DSCAML1: variants seen among roughly 807,000 people sequenced by gnomAD.
DSCAML1 encodes the protein DS cell adhesion molecule like 1.
DSCAML1 carries 38 observed loss-of-function variants against 200.5 expected under a neutral mutation model. The ratio of observed to expected loss-of-function variants is 0.19; its 90% CI spans 0.15 to 0.25. DSCAML1 has a LOEUF of 0.25. Among genes scored for constraint, DSCAML1 ranks in the 10% least tolerant of loss-of-function variants. The pLI, the probability that DSCAML1 is intolerant of heterozygous loss-of-function variation, is 1.00. For synonymous variants in DSCAML1, 1,215 were observed against 1,165.0 expected (o/e 1.04, Z -0.87); for missense variants, 2,223 against 2,858.8 (o/e 0.78, Z 5.07).
intron 3 of DSCAML1, among the ~76,000 whole-genome samples, chr11:117,661,030 G>A (rs967312315): frequency 6.6e-6 from 1 of 152,170 alleles, no homozygotes; most frequent in African/African-American, 2.4e-5. Flanking sequence ...TCCTAGCTAT[G>A]CAATCTTGAG....
intron 3 of DSCAML1, among the ~76,000 whole-genome samples, chr11:117,558,257 A>G (rs2050594861): frequency 6.6e-6 from 1 of 152,140 alleles, no homozygotes; most frequent in African/African-American, 2.4e-5. Flanking sequence ...AAATTTCACG[A>G]AACGTGAGCA....
intron 1 of DSCAML1, among the ~76,000 whole-genome samples, chr11:117,810,881 C>A (rs2094705059): frequency 1.3e-5 from 2 of 152,154 alleles, no homozygotes; most frequent in Non-Finnish European, 2.9e-5. Context: ...TCTTTCCCTC[C>A]CGCCTGTCCC....
intron 3 of DSCAML1, among the ~76,000 whole-genome samples, chr11:117,532,812 A>G (rs529989696): frequency 6.6e-6 from 1 of 152,062 alleles, no homozygotes; most frequent in South Asian, 2.1e-4. Context: ...GGATACAAAT[A>G]ATTGGGTGGG....
chr11:117,647,924 A>G (rs1019471076), intron 3 of DSCAML1, among the ~76,000 whole-genome samples: 4 of 152,114 alleles, frequency 2.6e-5, no homozygotes, highest in African/African-American at 9.7e-5. Flanking sequence ...CCTTGTGGCC[A>G]TGTCACGTCC....
intron 2 of DSCAML1, among the ~76,000 whole-genome samples, chr11:117,779,610 C>T (rs1255027844): frequency 6.6e-6 from 1 of 152,120 alleles, no homozygotes; most frequent in Non-Finnish European, 1.5e-5. Context: ...AACAACCAAC[C>T]TCCCACCACA....
chr11:117,475,079 G>A (rs540305275), intron 14 of DSCAML1, among the ~76,000 whole-genome samples: 5 of 152,044 alleles, frequency 3.3e-5, no homozygotes, highest in South Asian at 2.1e-4. Flanking sequence ...GAATCCTTCC[G>A]CTTCCCTCCA....
chr11:117,622,235 T>C (rs2051948843), intron 3 of DSCAML1, among the ~76,000 whole-genome samples: 1 of 152,202 alleles, frequency 6.6e-6, no homozygotes, highest in South Asian at 2.1e-4. Flanking sequence ...TCTGCAGACA[T>C]GAATGAGGCG....
At position 117,518,826 on chromosome 11, in the gene DSCAML1, C is replaced by T; in HGVS notation, c.1214-64G>A. On this transcript the variant is annotated intron_variant, in intron 6 of 32. Coordinates refer to ENST00000651296, the MANE Select transcript of DSCAML1 (RefSeq NM_020693.4). The surrounding 1 kb of genome is among the most constrained non-coding windows in gnomAD (Gnocchi z 6.3). ...CATGGAGAGACGGTCCCCCCAGCCA[C>T]CCCACCTCAGCAGGGGAGGAGGCAA... 6.6e-7 allele frequency: 1 copy of T among 1,523,062 alleles called. No homozygotes were observed. The highest frequency in any genetic ancestry group is 8.8e-7 in the Non-Finnish European group (1 of 1,141,808). The allele number at this position is 1,523,062 out of a possible 1,614,324, so 94.3% of individuals were successfully genotyped here.
intron 11 of DSCAML1, among the ~76,000 whole-genome samples, chr11:117,486,223 T>G (rs940999171): frequency 6.6e-6 from 1 of 150,614 alleles, no homozygotes. Flanking sequence ...AAATGGCGGA[T>G]GGGAAAGTGG....
chr11:117,464,957 T>G lies in DSCAML1; in HGVS notation c.3250A>C (p.Thr1084Pro), dbSNP rs1404110836. 1 of 1,613,994 alleles carries G rather than the reference T, an allele frequency of 6.2e-7. No individual in the cohort carries two copies. Among genetic ancestry groups the G allele is most frequent in the Admixed American group, 1.7e-5 (1 of 60,020 alleles). ...GGGCCCTCACCATCCTCCAGAGTGG[T>G]GGCATTGATCTCGCTGGAAGAGGGC... The part of the protein sequence containing the change: ...TGPSSSEINA[T>P]TLEDVPSQPP... The change falls in exon 17 of 33, where the codon ACC (threonine) becomes CCC (proline). Residue 1084 changes from threonine (T) to proline (P), a missense_variant. Thr to Pro is a conservative substitution (Grantham distance 38). Transcript: ENST00000651296.
At chr11:117,436,983 G>A in intron 26 of DSCAML1, 139 bp downstream of exon 26, 1 of 1,242,142 alleles carries the variant, frequency 8.1e-7, no homozygotes, top group Non-Finnish European at 1.1e-6. Flanking sequence ...CCCTTCACCT[G>A]CAGGCCAGCA....
chr11:117,803,762 C>T (rs932584006), intron 1 of DSCAML1, among the ~76,000 whole-genome samples: 1 of 152,206 alleles, frequency 6.6e-6, no homozygotes, highest in Non-Finnish European at 1.5e-5. Flanking sequence ...TTGTACAGTG[C>T]TGTTCACACA....
chr11:117,628,243 T>C (rs1178802920), intron 3 of DSCAML1, among the ~76,000 whole-genome samples: 1 of 152,134 alleles, frequency 6.6e-6, no homozygotes, highest in Non-Finnish European at 1.5e-5. Context: ...CTTATGGAAC[T>C]TAGGCAAGGA....
chr11:117,740,403 G>T (rs1591459191), intron 3 of DSCAML1, among the ~76,000 whole-genome samples: 1 of 152,234 alleles, frequency 6.6e-6, no homozygotes, highest in African/African-American at 2.4e-5. Flanking sequence ...ATCCCAGTAT[G>T]CCCAGGACTG....
intron 14 of DSCAML1, among the ~76,000 whole-genome samples, chr11:117,479,198 C>T (rs991432165): frequency 6.6e-6 from 1 of 152,222 alleles, no homozygotes; most frequent in African/African-American, 2.4e-5. Context: ...CGGCCAATGG[C>T]CACTGCCGTG....
intron 4 of DSCAML1, among the ~76,000 whole-genome samples, chr11:117,528,044 C>T (rs1420644309): frequency 6.6e-6 from 1 of 152,192 alleles, no homozygotes; most frequent in Non-Finnish European, 1.5e-5. Context: ...AAGGCCGTTG[C>T]AGGCAACCAG....
intron 1 of DSCAML1, among the ~76,000 whole-genome samples, chr11:117,786,562 AC>A (rs1283554774): frequency 6.6e-6 from 1 of 151,428 alleles, no homozygotes; most frequent in East Asian, 1.9e-4. Context: ...CGTGTATGTG[AC>A]CCCCAGGGCT....
At chr11:117,646,006 A>G (rs1417093037) in intron 3 of DSCAML1, among the ~76,000 whole-genome samples, 2 of 152,168 alleles carry the variant, frequency 1.3e-5, no homozygotes, top group Non-Finnish European at 1.5e-5. Context: ...TCTATTTTCA[A>G]ATGTGGTATT....
At chr11:117,747,153 AC>A (rs1350715598) in intron 3 of DSCAML1, among the ~76,000 whole-genome samples, 1 of 151,762 alleles carries the variant, frequency 6.6e-6, no homozygotes, top group Non-Finnish European at 1.5e-5. Context: ...AGTCTTCACC[AC>A]CCCAGCCTTT....
Sources: gnomAD v4.1 joint callset for allele counts (sites outside exome capture counted in the v4.1 genomes callset) on GRCh38, gnomAD v4.1.1 for gene constraint, Gnocchi (gnomAD v3.1) non-coding constraint, MANE v1.5 for transcripts, NCBI Gene and HGNC (gene_info 2026-07-23, HGNC 2026-07-21) for gene names.